Variants in PXDNL observed in about 807,000 individuals in gnomAD.
The protein encoded by PXDNL is probable oxidoreductase PXDNL.
In PXDNL, 145 loss-of-function variants were observed where a neutral mutation model predicts 150.8. The ratio of observed to expected loss-of-function variants is 0.96; its 90% confidence interval spans 0.84 to 1.10. The LOEUF (loss-of-function observed/expected upper bound fraction) is 1.10. PXDNL is among the 50% of genes least tolerant of loss of function. The probability of loss-of-function intolerance (pLI) is 0.00; values close to 1 mark genes in which losing one functional copy is unlikely to be tolerated. For synonymous variants in PXDNL, 757 were observed against 725.7 expected (o/e 1.04, Z -0.69); for missense variants, 2,087 against 1,873.9 (o/e 1.11, Z -2.10).
At chr8:51,454,099 A>G (rs1219359898) in intron 9 of PXDNL, among the ~76,000 whole-genome samples, 3 of 116,390 alleles carry the variant, frequency 2.6e-5, no homozygotes, top group Non-Finnish European at 6.4e-5. Flanking sequence ...TTCCTTCTTA[A>G]GAATACTCAC....
intron 17 of PXDNL, among the ~76,000 whole-genome samples, chr8:51,391,404 T>C (rs2130839054): frequency 6.6e-6 from 1 of 152,292 alleles, no homozygotes; most frequent in South Asian, 2.1e-4. Flanking sequence ...CCAGCACCTG[T>C]TGTTTCCTGA....
chr8:51,763,053 CA>C (rs2037181569), intron 1 of PXDNL, among the ~76,000 whole-genome samples: 1 of 152,156 alleles, frequency 6.6e-6, no homozygotes, highest in Non-Finnish European at 1.5e-5. Context: ...ATATTTCCAA[CA>C]CCCCATAAAG....
intron 4 of PXDNL, among the ~76,000 whole-genome samples, chr8:51,506,203 A>C (rs10090481): frequency 0.37 from 56,130 of 151,986 alleles, 11,484 homozygotes; most frequent in African/African-American, 0.55. Context: ...ATCATACTGC[A>C]CAAGCTTCAC....
rs188108843 is a variant in PXDNL, at chr8:51,694,332, C to T, written c.165-39572G>A. Among the ~76,000 whole-genome samples the T allele has an allele frequency of 7.6e-4, 116 of 151,868 alleles. 1 individual carries two copies. Among genetic ancestry groups the T allele is most frequent in the African/African-American group, 2.7e-3 (111 of 41,368 alleles). On this transcript the variant is annotated intron_variant, in intron 1 of 22. Transcript: ENST00000356297. ...GAGCCAAGATGGTGCTACTGCCCTCCGGCCTGAGCAATAGAGCGAGACTCC... is the reference window on the plus strand; with the variant it reads ...GAGCCAAGATGGTGCTACTGCCCTCTGGCCTGAGCAATAGAGCGAGACTCC...
intron 4 of PXDNL, among the ~76,000 whole-genome samples, chr8:51,553,646 G>A (rs4320537): frequency 0.3 from 44,770 of 150,926 alleles, 8,259 homozygotes; most frequent in African/African-American, 0.51. Context: ...GAATTGAACC[G>A]CTTCCCAAAC....
At chr8:51,640,760 G>C (rs1814730205) in intron 2 of PXDNL, among the ~76,000 whole-genome samples, 1 of 152,106 alleles carries the variant, frequency 6.6e-6, no homozygotes, top group South Asian at 2.1e-4. Context: ...AATCAATATT[G>C]TGACAATGGC....
chr8:51,678,378 G>A (rs1377135750), intron 1 of PXDNL, among the ~76,000 whole-genome samples: 1 of 152,026 alleles, frequency 6.6e-6, no homozygotes, highest in African/African-American at 2.4e-5. Flanking sequence ...TGTCCCGAAG[G>A]TACTCTGTAG....
At chr8:51,654,223 T>C (rs1000950041) in intron 2 of PXDNL, among the ~76,000 whole-genome samples, 1 of 152,252 alleles carries the variant, frequency 6.6e-6, no homozygotes, top group African/African-American at 2.4e-5. Context: ...CTCTACATGA[T>C]ATGTTTTCAT....
intron 20 of PXDNL, among the ~76,000 whole-genome samples, chr8:51,342,549 T>C (rs746182462): frequency 2.0e-5 from 3 of 151,984 alleles, no homozygotes; most frequent in Non-Finnish European, 4.4e-5. Flanking sequence ...ACACACAATA[T>C]GAAGAATAAA....
At chr8:51,611,966 G>C (rs1814015446) in intron 2 of PXDNL, among the ~76,000 whole-genome samples, 1 of 152,242 alleles carries the variant, frequency 6.6e-6, no homozygotes. Context: ...GAAGCCAGAG[G>C]AGCAGATGCA....
intron 1 of PXDNL, among the ~76,000 whole-genome samples, chr8:51,807,202 G>A (rs554185051): frequency 6.6e-6 from 1 of 152,184 alleles, no homozygotes; most frequent in Non-Finnish European, 1.5e-5. Context: ...TGTACAAGAA[G>A]TACAGCAACT....
intron 19 of PXDNL, among the ~76,000 whole-genome samples, chr8:51,362,603 G>A (rs1586035161): frequency 6.6e-6 from 1 of 152,074 alleles, no homozygotes; most frequent in East Asian, 1.9e-4. Context: ...TTGAGCTGAT[G>A]ATACAATATT....
At chr8:51,553,523 T>C (rs1812535684) in intron 4 of PXDNL, among the ~76,000 whole-genome samples, 2 of 152,268 alleles carry the variant, frequency 1.3e-5, no homozygotes, top group Non-Finnish European at 2.9e-5. Context: ...TTTTTAAAGA[T>C]GTTCTTCATC....
At chr8:51,798,735 G>A (rs1299283974) in intron 1 of PXDNL, among the ~76,000 whole-genome samples, 2 of 152,180 alleles carry the variant, frequency 1.3e-5, no homozygotes, top group African/African-American at 4.8e-5. Context: ...CTGTTGGTGG[G>A]AATGTAAATT....
At chr8:51,613,007 G>C (rs945938614) in intron 2 of PXDNL, among the ~76,000 whole-genome samples, 7 of 152,134 alleles carry the variant, frequency 4.6e-5, no homozygotes, top group African/African-American at 1.7e-4. Flanking sequence ...TAACTTGGGA[G>C]GTTACTGCTG....
intron 2 of PXDNL, among the ~76,000 whole-genome samples, chr8:51,651,687 C>T (rs1417596948): frequency 6.6e-6 from 1 of 152,178 alleles, no homozygotes; most frequent in Non-Finnish European, 1.5e-5. Context: ...ACCTTTTGTC[C>T]TTGGCATTTA....
intron 6 of PXDNL, among the ~76,000 whole-genome samples, chr8:51,477,833 A>G (rs1810516407): frequency 6.6e-6 from 1 of 152,038 alleles, no homozygotes; most frequent in African/African-American, 2.4e-5. Context: ...ACGCAACCTC[A>G]TGCTTATGTG....
Position 51,385,015 on chromosome 8 carries a change from T to C in PXDNL, c.3558-10284A>G, listed in dbSNP as rs527628023. ...AGACAGAGATAAGTCCAGGCAGTCA[T>C]TGAGACTGAGATAGACTTCCACATA... On this transcript the variant is annotated intron_variant, in intron 17 of 22. Transcript: ENST00000356297. Among the ~76,000 whole-genome samples, 4 of 152,224 alleles carry C rather than the reference T, an allele frequency of 2.6e-5. No homozygotes were observed. In the South Asian group the frequency reaches 6.2e-4, roughly 24 times the overall value.
chr8:51,653,374 T>C (rs1471323602), intron 2 of PXDNL, among the ~76,000 whole-genome samples: 2 of 152,020 alleles, frequency 1.3e-5, no homozygotes, highest in Non-Finnish European at 2.9e-5. Context: ...GCCGAGATTG[T>C]GCCACTGCAT....
Sources: allele counts gnomAD v4.1 joint callset (sites outside exome capture counted in the v4.1 genomes callset), GRCh38; gene constraint gnomAD v4.1.1; transcripts MANE v1.5; gene names NCBI Gene and HGNC (gene_info 2026-07-23, HGNC 2026-07-21).